The following ECE1 variants were observed in gnomAD, a reference collection of about 807,000 sequenced individuals.
ECE1 encodes the protein endothelin converting enzyme 1.
Under a neutral mutation model 98.6 loss-of-function variants are expected in ECE1, and 35 were observed. The observed-to-expected ratio is 0.35, with a 90% confidence interval of 0.27 to 0.47. ECE1 has a LOEUF of 0.47. Ranked by LOEUF, ECE1 falls within the 20% of genes least tolerant of loss-of-function variation. ECE1 has a pLI of 1.00. For missense variants in ECE1, 814 were observed against 1,025.3 expected (o/e 0.79, Z 2.81); for synonymous variants, 394 against 407.1 (o/e 0.97, Z 0.39).
intron 17 of ECE1, among the ~76,000 whole-genome samples, chr1:21,224,204 C>T (rs2098170921): frequency 6.6e-6 from 1 of 152,198 alleles, no homozygotes; most frequent in Non-Finnish European, 1.5e-5. Flanking sequence ...TGTCATAACC[C>T]CAGAGAAGGC....
At chr1:21,330,136 T>C (rs1569773684) in intron 1 of ECE1, among the ~76,000 whole-genome samples, 1 of 128,434 alleles carries the variant, frequency 7.8e-6, no homozygotes, top group East Asian at 2.0e-4. Context: ...CTAAATACTT[T>C]TTTTTTTTTT....
At chr1:21,223,433 C>T (rs1392833122) in intron 17 of ECE1, among the ~76,000 whole-genome samples, 1 of 152,110 alleles carries the variant, frequency 6.6e-6, no homozygotes, top group African/African-American at 2.4e-5. Context: ...GGATTACAGG[C>T]ATGCGTCACC....
intron 1 of ECE1, among the ~76,000 whole-genome samples, chr1:21,296,387 A>G (rs951514382): frequency 6.6e-6 from 1 of 151,856 alleles, no homozygotes; most frequent in African/African-American, 2.4e-5. Flanking sequence ...GGTGGCATCC[A>G]CCTGTGGCCC....
chr1:21,294,264 C>G (rs1415738464), upstream of ECE1: 1 of 152,298 alleles, frequency 6.6e-6, no homozygotes, highest in Non-Finnish European at 1.5e-5. The surrounding 1 kb of genome is among the most constrained non-coding windows in gnomAD (Gnocchi z 4.2). Context: ...TCTGGGCTGA[C>G]AGGGCAGCCA....
At chr1:21,262,522 G>A (rs981163120) in intron 4 of ECE1, among the ~76,000 whole-genome samples, 7 of 152,174 alleles carry the variant, frequency 4.6e-5, no homozygotes, top group African/African-American at 1.4e-4. Flanking sequence ...ATCTGGCTCC[G>A]GCCAAAGCCC....
intron 1 of ECE1, among the ~76,000 whole-genome samples, chr1:21,331,923 T>C (rs912464882): frequency 6.6e-6 from 1 of 152,186 alleles, no homozygotes; most frequent in Non-Finnish European, 1.5e-5. Flanking sequence ...AAGTTACTAC[T>C]ATGTCACTCC....
chr1:21,240,379 C>T (rs748693364), intron 10 of ECE1, among the ~76,000 whole-genome samples: 13 of 151,776 alleles, frequency 8.6e-5, no homozygotes, highest in South Asian at 2.1e-4. Flanking sequence ...CCCAGCTACT[C>T]GGGAGGCTGA....
At chr1:21,318,803 G>A (rs542873561) in intron 1 of ECE1, among the ~76,000 whole-genome samples, 3 of 152,276 alleles carry the variant, frequency 2.0e-5, no homozygotes, top group African/African-American at 7.2e-5. Context: ...AAAAGCGGAC[G>A]GGGGAGGGGA....
At chr1:21,303,724 C>T (rs749658814) in intron 1 of ECE1, among the ~76,000 whole-genome samples, 5 of 152,106 alleles carry the variant, frequency 3.3e-5, no homozygotes, top group Admixed American at 6.5e-5. Context: ...TCTCAGCTCG[C>T]TGCAACCTCC....
chr1:21,332,013 A>G (rs1289401528), intron 1 of ECE1, among the ~76,000 whole-genome samples: 2 of 152,126 alleles, frequency 1.3e-5, no homozygotes, highest in East Asian at 1.9e-4. Flanking sequence ...TCATTCTCTG[A>G]TAGTATCAGG....
intron 4 of ECE1, among the ~76,000 whole-genome samples, chr1:21,262,079 G>T (rs986080835): frequency 1.3e-5 from 2 of 152,162 alleles, no homozygotes; most frequent in Admixed American, 1.3e-4. Context: ...GGCTTTCACT[G>T]ATCAGAGCAT....
chr1:21,222,057 T>G, intron 17 of ECE1: 1 of 591,384 alleles, frequency 1.7e-6, no homozygotes, highest in South Asian at 1.9e-5. Context: ...GCTCTCACAT[T>G]TACACCTTCT....
intron 8 of ECE1, among the ~76,000 whole-genome samples, chr1:21,253,309 G>A (rs1181917776): frequency 1.3e-5 from 2 of 151,794 alleles, no homozygotes; most frequent in African/African-American, 2.4e-5. Flanking sequence ...CACCTGCCTC[G>A]GCCTCCCAAA....
chr1:21,227,237 A>G lies in ECE1; in HGVS notation c.1782-11T>C. 1 of 1,613,676 alleles carries G rather than the reference A, an allele frequency of 6.2e-7. No individual in the cohort carries two copies. Among genetic ancestry groups the G allele is most frequent in the Non-Finnish European group, 8.5e-7 (1 of 1,179,582 alleles). On this transcript the variant is annotated splice_polypyrimidine_tract_variant and intron_variant, in intron 15 of 18. Transcript: ENST00000374893. ...CCAAAGTTTAAGGCCCTGGAGGGAA[A>G]GACACAAAGGTAGAGATGATGCTTT...
rs150162314 is a variant in ECE1 at position 21,243,916 on chromosome 1, T to C, written c.1278+1073A>G. Reference sequence around the variant, plus strand: ...GTTAGAAATGGGGCTTGTTCCCAGCTACCTTCTCCCTCAGTCCCCTTCCTG... The same window carrying C: ...GTTAGAAATGGGGCTTGTTCCCAGCCACCTTCTCCCTCAGTCCCCTTCCTG... On this transcript the variant is annotated intron_variant, in intron 10 of 18. Coordinates refer to ENST00000374893, the MANE Select transcript of ECE1 (RefSeq NM_001397.3). Among the ~76,000 whole-genome samples the C allele has an allele frequency of 1.6e-4, 24 of 152,344 alleles. 1 individual carries two copies. The East Asian group carries it at 4.6e-3, about 29-fold the overall frequency.
rs2098188966 is a variant in ECE1, at chr1:21,236,862, A to C, written c.1390-18T>G. 1.9e-6 allele frequency: 3 copies of C among 1,609,556 alleles called. No individual in the cohort carries two copies. The highest frequency in any genetic ancestry group is 2.5e-6 in the Non-Finnish European group (3 of 1,176,710). On this transcript the variant is annotated intron_variant, in intron 11 of 18. Coordinates refer to ENST00000374893, the MANE Select transcript of ECE1 (RefSeq NM_001397.3). ...TCGGTGGCCTGAGGAGATACACATC[A>C]CAGCAGTAAGGTCTGCGCACTGGTC...
chr1:21,260,485 C>T lies in ECE1; in HGVS notation c.494-93G>A, dbSNP rs1442147311. 2 of 1,509,844 alleles carry T rather than the reference C, an allele frequency of 1.3e-6. No individual in the cohort carries two copies. The highest frequency in any genetic ancestry group is 1.8e-6 in the Non-Finnish European group (2 of 1,089,858). 93.5% of individuals were successfully genotyped at this position (1,509,844 alleles called of 1,614,324 possible). Reference sequence around the variant, plus strand: ...CCTCTTTTCGGAGCCTTGGTGTTCTCAGCTGCAAAGGAGCTCTGACATCTG... The same window carrying T: ...CCTCTTTTCGGAGCCTTGGTGTTCTTAGCTGCAAAGGAGCTCTGACATCTG... On this transcript the variant is annotated intron_variant, in intron 4 of 18. Coordinates refer to ENST00000374893, the MANE Select transcript of ECE1 (RefSeq NM_001397.3). The surrounding 1 kb of genome is among the most constrained non-coding windows in gnomAD (Gnocchi z 4.3).
intron 2 of ECE1, among the ~76,000 whole-genome samples, chr1:21,284,426 T>G (rs543128756): frequency 8.7e-4 from 132 of 152,206 alleles, no homozygotes; most frequent in African/African-American, 3.0e-3. Context: ...AATTTCCTAC[T>G]TATTGTCGTG....
intron 2 of ECE1, among the ~76,000 whole-genome samples, chr1:21,285,990 C>CAAAAAAA (rs3061092): frequency 2.9e-5 from 2 of 68,912 alleles, no homozygotes; most frequent in Non-Finnish European, 2.8e-5. Context: ...GACTCTGTCT[C>CAAAAAAA]AAAAAAAAAA....
Sources: gnomAD v4.1 joint callset for allele counts (sites outside exome capture counted in the v4.1 genomes callset) on GRCh38, gnomAD v4.1.1 for gene constraint, Gnocchi (gnomAD v3.1) non-coding constraint, MANE v1.5 for transcripts, NCBI Gene and HGNC (gene_info 2026-07-23, HGNC 2026-07-21) for gene names.